DOCK3: variants seen among roughly 807,000 people sequenced by gnomAD.
The protein encoded by DOCK3 is dedicator of cytokinesis protein 3.
In DOCK3, 60 loss-of-function variants were observed where a neutral mutation model predicts 265.6. The observed-to-expected ratio is 0.23, with a 90% confidence interval of 0.18 to 0.28. The LOEUF (loss-of-function observed/expected upper bound fraction) is 0.28. DOCK3 is among the 10% of genes least tolerant of loss of function. The pLI, the probability that DOCK3 is intolerant of heterozygous loss-of-function variation, is 1.00. For missense variants in DOCK3, 1,981 were observed against 2,594.3 expected (o/e 0.76, Z 5.14); for synonymous variants, 881 against 938.0 (o/e 0.94, Z 1.11).
chr3:51,261,278 G>A (rs2079834846), intron 23 of DOCK3, among the ~76,000 whole-genome samples: 1 of 151,942 alleles, frequency 6.6e-6, no homozygotes, highest in African/African-American at 2.4e-5. Context: ...GCAGAAGGAG[G>A]GTGGGGCGTC....
At position 50,766,898 on chromosome 3, in the gene DOCK3, T is replaced by G. The variant is rs1354891045; in HGVS notation, c.38-11777T>G. On this transcript the variant is annotated intron_variant, in intron 1 of 52. Transcript: ENST00000266037. ...GTGATGAAGAGCATTTTTTCATGTG[T>G]CTGTTGGCTGCATACATGTCTTCTT... is the stretch of plus-strand genomic sequence containing the variant. Among the ~76,000 whole-genome samples, 4 of 152,232 alleles carry G rather than the reference T, an allele frequency of 2.6e-5. No individual in the cohort carries two copies. The East Asian group carries it at 7.7e-4, about 29-fold the overall frequency.
At chr3:50,739,634 A>G (rs2038885447) in intron 1 of DOCK3, among the ~76,000 whole-genome samples, 1 of 152,102 alleles carries the variant, frequency 6.6e-6, no homozygotes, top group South Asian at 2.1e-4. Context: ...TATAATAAAT[A>G]TTTGTTGAAT....
At chr3:51,115,555 G>C (rs1222935945) in intron 9 of DOCK3, among the ~76,000 whole-genome samples, 2 of 152,262 alleles carry the variant, frequency 1.3e-5, no homozygotes, top group East Asian at 3.9e-4. Context: ...CCCTTTGTCA[G>C]ATAGGTAGAT....
intron 3 of DOCK3, among the ~76,000 whole-genome samples, chr3:50,845,144 A>G (rs1304148792): frequency 1.3e-5 from 2 of 151,778 alleles, no homozygotes; most frequent in Admixed American, 6.6e-5. Flanking sequence ...AATCGCTTGA[A>G]CTCGGGAGAT....
intron 27 of DOCK3, among the ~76,000 whole-genome samples, chr3:51,300,583 C>G (rs546877486): frequency 6.6e-6 from 1 of 152,246 alleles, no homozygotes; most frequent in Admixed American, 6.5e-5. Context: ...CCATCAATAC[C>G]TAGTTTATTG....
chr3:50,744,881 T>C (rs2108263738), intron 1 of DOCK3, among the ~76,000 whole-genome samples: 1 of 152,336 alleles, frequency 6.6e-6, no homozygotes, highest in East Asian at 1.9e-4. Flanking sequence ...AAATGTCTCA[T>C]GGTTTATTTT....
rs946807134 is a variant in DOCK3, at chr3:50,675,156, C to G, written c.-108C>G. ...ATGCGCCGCCCACTGCCCCGCGCCGCCTGACCGTCCCCGCCTCGACTCGCG... is the reference window on the plus strand; with the variant it reads ...ATGCGCCGCCCACTGCCCCGCGCCGGCTGACCGTCCCCGCCTCGACTCGCG... On this transcript the variant is annotated 5_prime_UTR_variant, in exon 1 of 53. Coordinates refer to ENST00000266037, the MANE Select transcript of DOCK3 (RefSeq NM_004947.5). The surrounding 1 kb of genome is among the most constrained non-coding windows in gnomAD (Gnocchi z 6.1). 1 of 827,914 alleles carries G rather than the reference C, an allele frequency of 1.2e-6. No individual in the cohort carries two copies. Among genetic ancestry groups the G allele is most frequent in the Non-Finnish European group, 1.5e-6 (1 of 674,346 alleles). The allele number at this position is 827,914 out of a possible 1,614,324, so 51.3% of individuals were successfully genotyped here.
chr3:51,249,703 G>C (rs1317943007), intron 22 of DOCK3, among the ~76,000 whole-genome samples: 1 of 126,862 alleles, frequency 7.9e-6, no homozygotes. Flanking sequence ...GGTGAGGGGC[G>C]CCTCTGCCCG....
chr3:50,968,969 G>C (rs1020511836), intron 5 of DOCK3, among the ~76,000 whole-genome samples: 2 of 152,162 alleles, frequency 1.3e-5, no homozygotes, highest in Non-Finnish European at 2.9e-5. Flanking sequence ...ATTGGGTAGA[G>C]TGTTCTATGC....
chr3:51,360,403 CTTTT>C, intron 46 of DOCK3, 104 bp from the exon 47 acceptor site: 1 of 1,412,466 alleles, frequency 7.1e-7, no homozygotes, highest in Non-Finnish European at 9.6e-7. Context: ...CCATATGATT[CTTTT>C]TTGTTTCTTT....
At chr3:50,796,043 TA>T (rs947136925) in intron 2 of DOCK3, among the ~76,000 whole-genome samples, 1 of 151,672 alleles carries the variant, frequency 6.6e-6, no homozygotes, top group African/African-American at 2.4e-5. Flanking sequence ...GTGGTGTGGT[TA>T]TTTTTTTTTT....
intron 12 of DOCK3, among the ~76,000 whole-genome samples, chr3:51,178,620 C>T (rs1267779099): frequency 1.3e-5 from 2 of 152,158 alleles, no homozygotes; most frequent in African/African-American, 4.8e-5. Context: ...TTTACTGTTC[C>T]AGAAAGCCCA....
chr3:51,233,748 G>A (rs1397596513), intron 19 of DOCK3, among the ~76,000 whole-genome samples: 1 of 152,116 alleles, frequency 6.6e-6, no homozygotes, highest in Non-Finnish European at 1.5e-5. Context: ...TATTTTTTGT[G>A]TATGGCTACT....
At chr3:51,288,171 C>A (rs1370872367) in intron 27 of DOCK3, among the ~76,000 whole-genome samples, 1 of 152,122 alleles carries the variant, frequency 6.6e-6, no homozygotes, top group Non-Finnish European at 1.5e-5. Context: ...GCAGGGGGAT[C>A]ATTTGTGGTC....
chr3:51,091,632 G>T (rs1455826728), intron 9 of DOCK3, among the ~76,000 whole-genome samples: 2 of 151,036 alleles, frequency 1.3e-5, no homozygotes, highest in Non-Finnish European at 2.9e-5. Flanking sequence ...GCACTGAGCC[G>T]GGATGGTGCC....
chr3:50,886,428 T>C (rs1364971063), intron 3 of DOCK3, among the ~76,000 whole-genome samples: 3 of 151,946 alleles, frequency 2.0e-5, no homozygotes, highest in Admixed American at 6.6e-5. Context: ...ATTATTATAC[T>C]TTAAGTTTTA....
intron 3 of DOCK3, among the ~76,000 whole-genome samples, chr3:50,863,039 T>C (rs2107519580): frequency 6.6e-6 from 1 of 152,312 alleles, no homozygotes; most frequent in South Asian, 2.1e-4. Context: ...CCCGCAGTGA[T>C]TGGCACTACT....
At chr3:50,778,991 G>A (rs1041638595) in intron 2 of DOCK3, among the ~76,000 whole-genome samples, 3 of 152,012 alleles carry the variant, frequency 2.0e-5, no homozygotes, top group Non-Finnish European at 2.9e-5. Flanking sequence ...GTCAGAACAC[G>A]TTTTTTACAT....
intron 27 of DOCK3, among the ~76,000 whole-genome samples, chr3:51,281,761 G>T (rs1445229057): frequency 6.6e-6 from 1 of 152,170 alleles, no homozygotes; most frequent in East Asian, 1.9e-4. Context: ...TTCTCTAGCA[G>T]GCTTCCCTGT....
Sources: allele counts gnomAD v4.1 joint callset (sites outside exome capture counted in the v4.1 genomes callset), GRCh38; gene constraint gnomAD v4.1.1; non-coding constraint Gnocchi (gnomAD v3.1); transcripts MANE v1.5; gene names NCBI Gene and HGNC (gene_info 2026-07-23, HGNC 2026-07-21).